CHST11: variants seen among roughly 807,000 people sequenced by gnomAD.
CHST11 encodes C4S-1.
Under a neutral mutation model 30.4 loss-of-function variants are expected in CHST11, and 9 were observed. That is an observed-to-expected ratio of 0.30 (90% CI 0.18 to 0.52). The LOEUF (loss-of-function observed/expected upper bound fraction) is 0.52, where lower values mean the gene tolerates loss of function less well. CHST11 is among the 20% of genes least tolerant of loss of function. CHST11 has a pLI of 0.97. For synonymous variants in CHST11, 152 were observed against 187.8 expected, an observed-to-expected ratio of 0.81 and a Z score of 1.56; for missense variants, 348 against 460.6, an observed-to-expected ratio of 0.76 and a Z score of 2.24.
In CHST11 at chr12:104,535,906, T is replaced by C. The variant is rs145839346; in HGVS notation, c.119-66000T>C. ...AGCAGATTCATTCTAGAGTCCCATA[T>C]ACAGTGGATTGTGAAGAACAATCCT... On this transcript the variant is annotated intron_variant, in intron 1 of 2. Coordinates refer to ENST00000303694, the MANE Select transcript of CHST11 (RefSeq NM_018413.6). Among the ~76,000 whole-genome samples, 3 of 152,358 alleles carry C rather than the reference T, an allele frequency of 2.0e-5. No individual in the cohort carries two copies. In the East Asian group the frequency reaches 5.8e-4, roughly 29 times the overall value.
intron 2 of CHST11, among the ~76,000 whole-genome samples, chr12:104,717,392 T>C (rs927343414): frequency 2.0e-5 from 3 of 152,174 alleles, no homozygotes; most frequent in African/African-American, 7.2e-5. Context: ...TCATGGTATC[T>C]CTTTCTGAAT....
At chr12:104,661,534 G>T (rs1396449279) in intron 2 of CHST11, among the ~76,000 whole-genome samples, 1 of 152,150 alleles carries the variant, frequency 6.6e-6, no homozygotes, top group African/African-American at 2.4e-5. Flanking sequence ...AGCTATGATG[G>T]CGCTGCTGAA....
chr12:104,710,696 T>G (rs112191882), intron 2 of CHST11, among the ~76,000 whole-genome samples: 241 of 152,308 alleles, frequency 1.6e-3, no homozygotes, highest in Non-Finnish European at 2.6e-3. Context: ...TGAGTAAACG[T>G]GGCCCCTCAA....
intron 2 of CHST11, among the ~76,000 whole-genome samples, chr12:104,737,903 T>A (rs1217371239): frequency 6.6e-6 from 1 of 152,074 alleles, no homozygotes; most frequent in Non-Finnish European, 1.5e-5. Flanking sequence ...TGTCACTGGA[T>A]GCCTTTGTTC....
intron 2 of CHST11, among the ~76,000 whole-genome samples, chr12:104,651,744 T>C (rs998736959): frequency 2.6e-5 from 4 of 152,200 alleles, no homozygotes; most frequent in African/African-American, 9.7e-5. Flanking sequence ...TTTTTATTGC[T>C]CTTTGCGCGT....
intron 2 of CHST11, among the ~76,000 whole-genome samples, chr12:104,646,330 G>T (rs972569208): frequency 6.6e-6 from 1 of 152,014 alleles, no homozygotes; most frequent in South Asian, 2.1e-4. Flanking sequence ...CACCTACTTA[G>T]TCTTCAGACC....
At chr12:104,468,981 GA>G (rs759052098) in intron 1 of CHST11, among the ~76,000 whole-genome samples, 14 of 152,232 alleles carry the variant, frequency 9.2e-5, no homozygotes, top group South Asian at 6.2e-4. Flanking sequence ...TAAATTTTAA[GA>G]AAAGAAAAAA....
At chr12:104,590,255 C>G (rs1160380416) in intron 1 of CHST11, among the ~76,000 whole-genome samples, 2 of 152,146 alleles carry the variant, frequency 1.3e-5, no homozygotes, top group Non-Finnish European at 2.9e-5. Context: ...AGATACAAAT[C>G]CCCTGGGGTG....
At position 104,600,201 on chromosome 12, in the gene CHST11, T is replaced by G. The variant is rs2038945525; in HGVS notation, c.119-1705T>G. 6.6e-6 allele frequency among the ~76,000 whole-genome samples: 1 copy of G among 152,230 alleles called. No individual in the cohort carries two copies. The highest frequency in any genetic ancestry group is 2.4e-5 in the African/African-American group (1 of 41,464). On this transcript the variant is annotated intron_variant, in intron 1 of 2. Coordinates refer to ENST00000303694, the MANE Select transcript of CHST11 (RefSeq NM_018413.6). The surrounding 1 kb of genome is among the most constrained non-coding windows in gnomAD (Gnocchi z 4.1). Reference sequence around the variant, plus strand: ...AGTGACAAGTCAACGGAGGCTCACCTGAGCAGTAGTTTTTCCTCCGGAGAC... The same window carrying G: ...AGTGACAAGTCAACGGAGGCTCACCGGAGCAGTAGTTTTTCCTCCGGAGAC...
intron 1 of CHST11, among the ~76,000 whole-genome samples, chr12:104,567,979 A>G (rs2038584285): frequency 1.3e-5 from 2 of 152,204 alleles, no homozygotes; most frequent in Non-Finnish European, 2.9e-5. Flanking sequence ...TGAGCAATAC[A>G]TTGATAAATT....
At chr12:104,583,721 C>CTTTTTTTTTTTTTTTTTTTT (rs1297368145) in intron 1 of CHST11, among the ~76,000 whole-genome samples, 1 of 10,084 alleles carries the variant, frequency 9.9e-5, no homozygotes, top group African/African-American at 1.1e-4. Flanking sequence ...AGATCTCTCT[C>CTTTTTTTTTTTTTTTTTTTT]TTTTTTTTGA....
At position 104,620,892 on chromosome 12, in the gene CHST11, C is replaced by T. The variant is rs1272623157; in HGVS notation, c.204+18901C>T. 2.6e-5 allele frequency among the ~76,000 whole-genome samples: 4 copies of T among 152,214 alleles called. No individual in the cohort carries two copies. The East Asian group carries it at 5.8e-4, about 22-fold the overall frequency. On this transcript the variant is annotated intron_variant, in intron 2 of 2. Coordinates refer to ENST00000303694, the MANE Select transcript of CHST11 (RefSeq NM_018413.6). ...GCAATTGATAATTGAGTCTCCTTCC[C>T]CAGGATATTAATGGTGTAACTAAAC... is the stretch of plus-strand genomic sequence containing the variant.
At chr12:104,499,835 A>G (rs988621391) in intron 1 of CHST11, among the ~76,000 whole-genome samples, 4 of 152,256 alleles carry the variant, frequency 2.6e-5, no homozygotes, top group Admixed American at 2.6e-4. Context: ...CCCTGTGGCC[A>G]TGGGACTGCC....
intron 1 of CHST11, among the ~76,000 whole-genome samples, chr12:104,545,148 G>A (rs906240256): frequency 5.4e-5 from 8 of 148,604 alleles, no homozygotes; most frequent in African/African-American, 1.5e-4. Context: ...GGTGAATTTC[G>A]TTACAAATTG....
At chr12:104,547,590 C>A (rs777485351) in intron 1 of CHST11, among the ~76,000 whole-genome samples, 1 of 152,086 alleles carries the variant, frequency 6.6e-6, no homozygotes, top group Non-Finnish European at 1.5e-5. Flanking sequence ...TAGCACAAGA[C>A]GGCATAGCTG....
intron 1 of CHST11, chr12:104,553,346 G>A (rs1177740748): frequency 6.6e-6 from 1 of 152,214 alleles, no homozygotes; most frequent in African/African-American, 2.4e-5. Context: ...AAGGCAAGTA[G>A]TAATGCCTTA....
intron 2 of CHST11, among the ~76,000 whole-genome samples, chr12:104,647,031 C>A (rs2559640): frequency 1.3e-5 from 2 of 152,242 alleles, no homozygotes; most frequent in Middle Eastern, 3.4e-3. Context: ...TTCTCACATA[C>A]ACTTTTAATG....
Position 104,458,623 on chromosome 12 carries a change from C to T in CHST11, c.118+1094C>T, listed in dbSNP as rs956306384. Among the ~76,000 whole-genome samples, 1 of 152,244 alleles carries T rather than the reference C, an allele frequency of 6.6e-6. No individual in the cohort carries two copies. The highest frequency in any genetic ancestry group is 1.5e-5 in the Non-Finnish European group (1 of 68,034). On this transcript the variant is annotated intron_variant, in intron 1 of 2. Coordinates refer to ENST00000303694, the MANE Select transcript of CHST11 (RefSeq NM_018413.6). The surrounding 1 kb of genome is among the most constrained non-coding windows in gnomAD (Gnocchi z 5.7). The stretch of plus-strand genomic sequence containing the variant: ...CGGGTCTCCCCGCCAAGCCGTGGCT[C>T]CCCTGCTCCCTTTTACCCTCCCTTA...
chr12:104,494,268 G>A (rs925546042), intron 1 of CHST11, among the ~76,000 whole-genome samples: 1 of 152,142 alleles, frequency 6.6e-6, no homozygotes, highest in Admixed American at 6.5e-5. Context: ...CCTGCACCAC[G>A]AAGCAAAGGC....
Sources: gnomAD v4.1 joint callset for allele counts (sites outside exome capture counted in the v4.1 genomes callset) on GRCh38, gnomAD v4.1.1 for gene constraint, Gnocchi (gnomAD v3.1) non-coding constraint, MANE v1.5 for transcripts, NCBI Gene and HGNC (gene_info 2026-07-23, HGNC 2026-07-21) for gene names.